ANKRD11: variants seen among roughly 807,000 people sequenced by gnomAD.
The protein encoded by ANKRD11 is ankyrin repeat domain 11, also known as ankyrin repeat domain-containing protein 11.
Under a neutral mutation model 195.7 loss-of-function variants are expected in ANKRD11, and 17 were observed. The observed-to-expected ratio is 0.09, with a 90% CI of 0.06 to 0.13. ANKRD11 has a LOEUF of 0.13. Among genes scored for constraint, ANKRD11 ranks in the 10% least tolerant of loss-of-function variants. The pLI is 1.00. For synonymous variants in ANKRD11, 1,953 were observed against 1,528.1 expected, an observed-to-expected ratio of 1.28 and a Z score of -6.49; for missense variants, 3,735 against 3,566.1, an observed-to-expected ratio of 1.05 and a Z score of -1.21.
chr16:89,335,536 A>G (rs574849042), intron 2 of ANKRD11, among the ~76,000 whole-genome samples: 1 of 152,304 alleles, frequency 6.6e-6, no homozygotes, highest in East Asian at 1.9e-4. Context: ...ACTCCCATGA[A>G]AGCCTGTGCG....
chr16:89,459,088 G>T, intron 1 of ANKRD11: 1 of 194,350 alleles, frequency 5.1e-6, no homozygotes, highest in South Asian at 9.9e-5. Flanking sequence ...CATGGGAAAT[G>T]GATCAGACAA....
intron 1 of ANKRD11, among the ~76,000 whole-genome samples, chr16:89,450,044 G>A (rs2043998690): frequency 6.6e-6 from 1 of 152,156 alleles, no homozygotes; most frequent in African/African-American, 2.4e-5. Flanking sequence ...TTTCCCCTCA[G>A]TTTCTCAGAG....
At chr16:89,376,181 A>G (rs62068592) in intron 2 of ANKRD11, among the ~76,000 whole-genome samples, 34 of 152,376 alleles carry the variant, frequency 2.2e-4, no homozygotes, top group Non-Finnish European at 4.3e-4. Context: ...GATTGCTATA[A>G]GAAAGGCAAA....
intron 2 of ANKRD11, among the ~76,000 whole-genome samples, chr16:89,380,744 G>T (rs2040607174): frequency 6.6e-6 from 1 of 152,244 alleles, no homozygotes; most frequent in Admixed American, 6.5e-5. Context: ...AGGCAGAGAA[G>T]AAGCTGGAGG....
chr16:89,282,588 A>C lies in ANKRD11; in HGVS notation c.3954T>G (p.Thr1318=), dbSNP rs371079786. Residue 1318 remains threonine, a synonymous_variant, in exon 9 of 13, where the codon ACT becomes ACG. Coordinates refer to ENST00000301030, the MANE Select transcript of ANKRD11 (RefSeq NM_013275.6). The part of the protein sequence containing the change: ...FTDRGQEPGL[T]AFLEVSFTEP... ...CCGTGAAAGAGACCTCCAGGAAGGC[A>C]GTCAGCCCCGGCTCCTGCCCTCGGT... is the stretch of plus-strand genomic sequence containing the variant. 1.2e-4 allele frequency: 194 copies of C among 1,614,024 alleles called. No homozygotes were observed. The highest frequency in any genetic ancestry group is 1.6e-4 in the Non-Finnish European group (184 of 1,180,024).
intron 2 of ANKRD11, among the ~76,000 whole-genome samples, chr16:89,351,039 C>T (rs2039191294): frequency 6.6e-6 from 1 of 152,198 alleles, no homozygotes; most frequent in Non-Finnish European, 1.5e-5. Flanking sequence ...CAACGCATTT[C>T]TCAGGATGCA....
At chr16:89,438,398 C>G (rs1351974367) in intron 1 of ANKRD11, among the ~76,000 whole-genome samples, 1 of 151,928 alleles carries the variant, frequency 6.6e-6, no homozygotes, top group African/African-American at 2.4e-5. Flanking sequence ...CAGCTCACTG[C>G]AGCCTCCGCC....
chr16:89,427,276 G>T (rs1000565111), intron 1 of ANKRD11, among the ~76,000 whole-genome samples: 6 of 152,170 alleles, frequency 3.9e-5, no homozygotes, highest in African/African-American at 1.4e-4. Context: ...TAAATAAGTG[G>T]AGGGAAAAAA....
chr16:89,382,900 G>T (rs1296566838), intron 2 of ANKRD11, among the ~76,000 whole-genome samples: 3 of 152,142 alleles, frequency 2.0e-5, no homozygotes, highest in African/African-American at 7.2e-5. Context: ...GAGTGCAGCA[G>T]CATGATCTCG....
intron 1 of ANKRD11, among the ~76,000 whole-genome samples, chr16:89,452,779 CAAAAAAAA>C (rs11401095): frequency 8.2e-5 from 6 of 73,514 alleles, no homozygotes; most frequent in African/African-American, 2.3e-4. Flanking sequence ...GACTCTATCT[CAAAAAAAA>C]AAAAAAAAAA....
At chr16:89,379,088 G>A (rs568839430) in intron 2 of ANKRD11, among the ~76,000 whole-genome samples, 2 of 152,318 alleles carry the variant, frequency 1.3e-5, no homozygotes, top group African/African-American at 2.4e-5. Flanking sequence ...CCAGAACGTC[G>A]GCAGTGCGGA....
Position 89,319,116 on chromosome 16 carries a change from G to C in ANKRD11, c.-59-2038C>G, listed in dbSNP as rs370281423. Among the ~76,000 whole-genome samples, 12 of 152,330 alleles carry C rather than the reference G, an allele frequency of 7.9e-5. No individual in the cohort carries two copies. In the East Asian group the frequency reaches 2.3e-3, roughly 29 times the overall value. ...AATCCAGACTGTCTGCTCTCAGGAC[G>C]GAAAAACGGGGCCTTCACCATGTAG... is the stretch of plus-strand genomic sequence containing the variant. On this transcript the variant is annotated intron_variant, in intron 2 of 12. Transcript: ENST00000301030.
rs563654878 is a variant in ANKRD11 at position 89,447,984 on chromosome 16, T to C, written c.-144-29616A>G. Reference sequence around the variant, plus strand: ...CACGCCTGGCTCATTTTTGTATTTTTAGTAGAGACAGGGTTTCACCATATT... The same window carrying C: ...CACGCCTGGCTCATTTTTGTATTTTCAGTAGAGACAGGGTTTCACCATATT... On this transcript the variant is annotated intron_variant, in intron 1 of 12. Transcript: ENST00000301030. Among the ~76,000 whole-genome samples the C allele has an allele frequency of 9.2e-5, 14 of 152,054 alleles. No individual in the cohort carries two copies. In the East Asian group the frequency reaches 2.5e-3, roughly 27 times the overall value.
chr16:89,371,534 C>G (rs747735889), intron 2 of ANKRD11, among the ~76,000 whole-genome samples: 6 of 152,180 alleles, frequency 3.9e-5, no homozygotes, highest in Non-Finnish European at 8.8e-5. Context: ...GATGAGTTCT[C>G]TCAAGGACCA....
At chr16:89,401,289 G>T (rs2041675857) in intron 2 of ANKRD11, among the ~76,000 whole-genome samples, 1 of 152,106 alleles carries the variant, frequency 6.6e-6, no homozygotes, top group South Asian at 2.1e-4. Context: ...ATGTTAGCCA[G>T]GCTGGTCTCG....
At chr16:89,356,287 G>C (rs764902817) in intron 2 of ANKRD11, among the ~76,000 whole-genome samples, 41 of 151,846 alleles carry the variant, frequency 2.7e-4, no homozygotes, top group Non-Finnish European at 4.9e-4. Flanking sequence ...TGTCAAGGGA[G>C]TAAAGTGGAG....
intron 1 of ANKRD11, among the ~76,000 whole-genome samples, chr16:89,460,667 G>T (rs1348905380): frequency 6.6e-6 from 1 of 152,150 alleles, no homozygotes; most frequent in East Asian, 1.9e-4. Context: ...AGCCCAGGAG[G>T]TCGAGGCTAT....
intron 1 of ANKRD11, among the ~76,000 whole-genome samples, chr16:89,436,023 C>G (rs925424497): frequency 2.0e-5 from 3 of 152,196 alleles, no homozygotes; most frequent in Non-Finnish European, 4.4e-5. Flanking sequence ...GAGGGTTTTG[C>G]AGGGTCACAC....
chr16:89,407,502 C>G (rs918850686), intron 2 of ANKRD11, among the ~76,000 whole-genome samples: 3 of 152,098 alleles, frequency 2.0e-5, no homozygotes, highest in Non-Finnish European at 2.9e-5. Flanking sequence ...GGCTGTTGCA[C>G]GACAGCCGCA....
Sources: gnomAD v4.1 joint callset for allele counts (sites outside exome capture counted in the v4.1 genomes callset) on GRCh38, gnomAD v4.1.1 for gene constraint, MANE v1.5 for transcripts, NCBI Gene and HGNC (gene_info 2026-07-23, HGNC 2026-07-21) for gene names.